MLLT3: variants seen among roughly 807,000 people sequenced by gnomAD.
The protein encoded by MLLT3 is MLLT3 super elongation complex subunit.
A neutral mutation model predicts 53.2 loss-of-function variants in MLLT3; 4 were observed. That is an observed-to-expected ratio of 0.08 (90% CI 0.04 to 0.17). The LOEUF is 0.17. MLLT3 is among the 10% of genes least tolerant of loss of function. MLLT3 has a pLI of 1.00. For synonymous variants in MLLT3, 283 were observed against 230.6 expected, an observed-to-expected ratio of 1.23 and a Z score of -2.06; for missense variants, 569 against 684.0, an observed-to-expected ratio of 0.83 and a Z score of 1.87.
chr9:20,353,721 C>A, intron 9 of MLLT3, 125 bp from the exon 10 acceptor site: 2 of 792,346 alleles, frequency 2.5e-6, no homozygotes, highest in East Asian at 2.5e-5. Context: ...CCACTCTAGC[C>A]CAGGCTGTGT....
At chr9:20,561,951 G>T (rs377261220) in intron 2 of MLLT3, among the ~76,000 whole-genome samples, 1 of 149,076 alleles carries the variant, frequency 6.7e-6, no homozygotes, top group Non-Finnish European at 1.5e-5. Flanking sequence ...TTTGAGGGGT[G>T]GGGGGGCAGA....
At chr9:20,554,740 T>C (rs887433156) in intron 2 of MLLT3, among the ~76,000 whole-genome samples, 2 of 152,206 alleles carry the variant, frequency 1.3e-5, no homozygotes, top group African/African-American at 4.8e-5. Context: ...ACCTCTCCCA[T>C]AATATACTTA....
chr9:20,506,452 A>G (rs1587005001), intron 2 of MLLT3, among the ~76,000 whole-genome samples: 2 of 149,932 alleles, frequency 1.3e-5, no homozygotes, highest in Admixed American at 1.3e-4. Flanking sequence ...CAGAGCCATA[A>G]CCGTCAAGTA....
At chr9:20,350,378 G>A (rs1310322304) in intron 10 of MLLT3, among the ~76,000 whole-genome samples, 2 of 152,042 alleles carry the variant, frequency 1.3e-5, no homozygotes, top group Admixed American at 6.5e-5. Context: ...GGCGGATCAC[G>A]AGGTCAGGAG....
intron 4 of MLLT3, among the ~76,000 whole-genome samples, chr9:20,443,173 AC>A (rs1397869514): frequency 1.3e-5 from 2 of 151,894 alleles, no homozygotes; most frequent in Admixed American, 6.6e-5. Flanking sequence ...ACAAACAAAC[AC>A]CCAACACCCT....
intron 2 of MLLT3, among the ~76,000 whole-genome samples, chr9:20,586,401 G>GA (rs199546502): frequency 0.026 from 3,577 of 135,864 alleles, 120 homozygotes; most frequent in East Asian, 0.14. Flanking sequence ...TGACTGGAAA[G>GA]AAAAAAAAAA....
rs370864495 is a variant in MLLT3 at position 20,406,369 on chromosome 9, C to T, written c.1125+7352G>A. The stretch of plus-strand genomic sequence containing the variant: ...TATCTGGACCACCTCATGCAGTGAC[C>T]GTACATAGGAAGTACCTACCACATA... On this transcript the variant is annotated intron_variant, in intron 5 of 10. Transcript: ENST00000380338. Among the ~76,000 whole-genome samples, 5 of 152,146 alleles carry T rather than the reference C, an allele frequency of 3.3e-5. No homozygotes were observed. The East Asian group carries it at 7.7e-4, about 23-fold the overall frequency.
chr9:20,498,397 G>A (rs970990682), intron 2 of MLLT3, among the ~76,000 whole-genome samples: 1 of 151,984 alleles, frequency 6.6e-6, no homozygotes, highest in Non-Finnish European at 1.5e-5. Flanking sequence ...ATGATGTCGA[G>A]TATCTTTTCT....
chr9:20,407,509 A>C (rs141685031), intron 5 of MLLT3, among the ~76,000 whole-genome samples: 6 of 152,322 alleles, frequency 3.9e-5, no homozygotes, highest in South Asian at 2.1e-4. Context: ...TAGGTCAAAG[A>C]AACAGGATTC....
chr9:20,531,794 A>C (rs541423990), intron 2 of MLLT3, among the ~76,000 whole-genome samples: 8 of 152,330 alleles, frequency 5.3e-5, no homozygotes, highest in Admixed American at 5.2e-4. Context: ...TCTGAGGGAA[A>C]GGATGATTTG....
chr9:20,599,946 A>T (rs975393461), intron 2 of MLLT3, among the ~76,000 whole-genome samples: 11 of 152,194 alleles, frequency 7.2e-5, no homozygotes, highest in Middle Eastern at 3.4e-3. Flanking sequence ...CACCTATATA[A>T]TATTATATTG....
intron 2 of MLLT3, among the ~76,000 whole-genome samples, chr9:20,479,861 A>C (rs1283783454): frequency 6.6e-6 from 1 of 152,204 alleles, no homozygotes; most frequent in Non-Finnish European, 1.5e-5. Flanking sequence ...ACAATGGCTT[A>C]TTTTCCATAA....
At chr9:20,616,785 T>TA (rs1412079219) in intron 2 of MLLT3, among the ~76,000 whole-genome samples, 5 of 152,144 alleles carry the variant, frequency 3.3e-5, no homozygotes, top group South Asian at 2.1e-4. Context: ...AGGGCCCCTA[T>TA]ATGGCTTTCT....
intron 4 of MLLT3, among the ~76,000 whole-genome samples, chr9:20,445,446 C>T (rs1156549589): frequency 6.6e-6 from 1 of 152,092 alleles, no homozygotes; most frequent in South Asian, 2.1e-4. Flanking sequence ...ATTGACCCCT[C>T]TCCCAAAAAA....
chr9:20,611,795 T>C (rs1820710179), intron 2 of MLLT3, among the ~76,000 whole-genome samples: 1 of 152,094 alleles, frequency 6.6e-6, no homozygotes, highest in African/African-American at 2.4e-5. Context: ...ACTGCAAACT[T>C]ACCACACTTA....
At chr9:20,395,248 G>A (rs1217428219) in intron 5 of MLLT3, among the ~76,000 whole-genome samples, 1 of 152,258 alleles carries the variant, frequency 6.6e-6, no homozygotes. Context: ...TATTTCAAAT[G>A]GGTAACAACT....
chr9:20,620,572 G>A lies in MLLT3; in HGVS notation c.193+82C>T, dbSNP rs1373142478. ...CGGCGAGCGCGGCGCGGGGGGCGGGGAGCGGGACAGCGGGACCGCCCGGGC... is the reference window on the plus strand; with the variant it reads ...CGGCGAGCGCGGCGCGGGGGGCGGGAAGCGGGACAGCGGGACCGCCCGGGC... On this transcript the variant is annotated intron_variant, in intron 2 of 10. Transcript: ENST00000380338. This position sits in a 1 kb window ranked among gnomAD's most constrained non-coding sequence, Gnocchi z 6.1. 12 of 1,308,682 alleles carry A rather than the reference G, an allele frequency of 9.2e-6. No homozygotes were observed. The highest frequency in any genetic ancestry group is 1.5e-5 in the African/African-American group (1 of 65,380). 81.1% of individuals were successfully genotyped at this position (1,308,682 alleles called of 1,614,324 possible).
intron 5 of MLLT3, among the ~76,000 whole-genome samples, chr9:20,392,117 CCT>C (rs1822199834): frequency 6.6e-6 from 1 of 152,134 alleles, no homozygotes; most frequent in African/African-American, 2.4e-5. Context: ...TCCTGAGCTC[CCT>C]GAGTTACCAA....
At chr9:20,515,120 G>T (rs1215810299) in intron 2 of MLLT3, among the ~76,000 whole-genome samples, 1 of 151,748 alleles carries the variant, frequency 6.6e-6, no homozygotes, top group Admixed American at 6.6e-5. Flanking sequence ...CTAATTTTTT[G>T]TATTTCTAGC....
Sources: gnomAD v4.1 joint callset for allele counts (sites outside exome capture counted in the v4.1 genomes callset) on GRCh38, gnomAD v4.1.1 for gene constraint, Gnocchi (gnomAD v3.1) non-coding constraint, MANE v1.5 for transcripts, NCBI Gene and HGNC (gene_info 2026-07-23, HGNC 2026-07-21) for gene names.